TRIM67: variants seen among roughly 807,000 people sequenced by gnomAD.
TRIM67 encodes tripartite motif containing 67, also known as tripartite motif-containing protein 67.
TRIM67 carries 39 observed loss-of-function variants against 71.0 expected under a neutral mutation model. That is an observed-to-expected ratio of 0.55 (90% CI 0.43 to 0.72). The LOEUF (loss-of-function observed/expected upper bound fraction) is 0.72. TRIM67 is among the 30% of genes least tolerant of loss of function. The pLI, the probability that TRIM67 is intolerant of heterozygous loss-of-function variation, is 0.00. For missense variants in TRIM67, 973 were observed against 1,079.2 expected (o/e 0.90, Z 1.38); for synonymous variants, 481 against 473.9 (o/e 1.01, Z -0.19).
chr1:231,189,197 G>C (rs1683168068), intron 1 of TRIM67, among the ~76,000 whole-genome samples: 1 of 152,178 alleles, frequency 6.6e-6, no homozygotes, highest in African/African-American at 2.4e-5. Context: ...AGCAGACATT[G>C]AACAGTTCTG....
chr1:231,190,647 C>A (rs868265487), intron 1 of TRIM67, among the ~76,000 whole-genome samples: 5 of 152,166 alleles, frequency 3.3e-5, no homozygotes, highest in Non-Finnish European at 7.4e-5. Context: ...TACCCAGGGG[C>A]GTCCCTCTCC....
intron 6 of TRIM67, among the ~76,000 whole-genome samples, chr1:231,205,731 A>AG (rs1683676975): frequency 6.6e-6 from 1 of 151,980 alleles, no homozygotes; most frequent in Non-Finnish European, 1.5e-5. Context: ...GTCTCAAAAA[A>AG]AAAAAAAAAA....
chr1:231,180,323 A>G (rs1479751356), intron 1 of TRIM67, among the ~76,000 whole-genome samples: 1 of 152,174 alleles, frequency 6.6e-6, no homozygotes, highest in South Asian at 2.1e-4. Flanking sequence ...TTGTATATAC[A>G]TCTTTGCATG....
chr1:231,168,034 T>C (rs1447342731), intron 1 of TRIM67, among the ~76,000 whole-genome samples: 2 of 152,060 alleles, frequency 1.3e-5, no homozygotes, highest in African/African-American at 2.4e-5. Context: ...CCATCACAGC[T>C]CACTGTAGGC....
At chr1:231,211,029 A>T (rs368188893) in intron 8 of TRIM67, among the ~76,000 whole-genome samples, 3,117 of 121,512 alleles carry the variant, frequency 0.026, 110 homozygotes, top group African/African-American at 0.09. Flanking sequence ...CCAAAAAAAA[A>T]AAATATATAT....
chr1:231,212,746 G>A (rs781686301), intron 8 of TRIM67, among the ~76,000 whole-genome samples: 2 of 152,150 alleles, frequency 1.3e-5, no homozygotes, highest in Non-Finnish European at 2.9e-5. Context: ...GGAAGGGAAG[G>A]AGAGTCTGCA....
chr1:231,185,289 C>A (rs543471679), intron 1 of TRIM67: 2 of 1,391,064 alleles, frequency 1.4e-6, no homozygotes, highest in South Asian at 1.3e-5. Flanking sequence ...CTCCCACCCT[C>A]CTACACTGGA....
Position 231,201,394 on chromosome 1 carries a change from C to G in TRIM67, c.1411C>G (p.Gln471Glu), listed in dbSNP as rs1683516154. 2 of 1,613,546 alleles carry G rather than the reference C, an allele frequency of 1.2e-6. No homozygotes were observed. The highest frequency in any genetic ancestry group is 1.1e-5 in the South Asian group (1 of 90,940). ...TCTGATCAAGCGCGTCCAGGTGTCT[C>G]AGGAGCAGTGGGTCAAAGGCGCCCT... ...DALIKRVQVS[Q>E]EQWVKGALEP... Residue 471 changes from glutamine (Q) to glutamate (E), a missense_variant, in exon 5 of 10, where the codon CAG (glutamine) becomes GAG (glutamate). By Grantham distance (29) the Gln-to-Glu change is conservative. Transcript: ENST00000366653.
intron 1 of TRIM67, chr1:231,185,302 G>T: frequency 7.8e-7 from 1 of 1,277,712 alleles, no homozygotes; most frequent in Non-Finnish European, 1.1e-6. Context: ...ACACTGGAGG[G>T]ATCTGAGAAA....
chr1:231,218,522 C>G lies in TRIM67; in HGVS notation c.*3082C>G. The G allele has an allele frequency of 2.0e-6, 2 of 985,456 alleles. No individual in the cohort carries two copies. The highest frequency in any genetic ancestry group is 2.4e-6 in the Non-Finnish European group (2 of 829,948). 61.0% of individuals were successfully genotyped at this position (985,456 alleles called of 1,614,324 possible). On this transcript the variant is annotated 3_prime_UTR_variant, in exon 10 of 10. Transcript: ENST00000366653. ...CTTCCGAAAATATCCACTAGCACCT[C>G]ACTGCATACATAGCATCCCAGCTCC...
In TRIM67 at chr1:231,209,377, T is replaced by A; in HGVS notation, c.2123+127T>A. 3 of 1,096,804 alleles carry A rather than the reference T, an allele frequency of 2.7e-6. No individual in the cohort carries two copies. The East Asian group carries it at 8.1e-5, about 30-fold the overall frequency. The allele number at this position is 1,096,804 out of a possible 1,614,324, so 67.9% of individuals were successfully genotyped here. A position where few individuals can be genotyped will look rare whatever the true frequency, so the allele number is the denominator to read the frequency against. On this transcript the variant is annotated intron_variant, in intron 8 of 9. Transcript: ENST00000366653. The surrounding 1 kb of genome is among the most constrained non-coding windows in gnomAD (Gnocchi z 4.1). ...TTGAGAGGAGGTATTTTCAGCCACT[T>A]TGGTCTCCATTTTCTAGGAGGCCTT...
At chr1:231,191,956 C>T (rs1313684678) in intron 1 of TRIM67, among the ~76,000 whole-genome samples, 1 of 152,220 alleles carries the variant, frequency 6.6e-6, no homozygotes, top group Non-Finnish European at 1.5e-5. Flanking sequence ...CAGAGATCTC[C>T]AGCGTGCAGT....
Position 231,216,483 on chromosome 1 carries a change from A to G in TRIM67, c.*1043A>G. On this transcript the variant is annotated 3_prime_UTR_variant, in exon 10 of 10. Coordinates refer to ENST00000366653, the MANE Select transcript of TRIM67 (RefSeq NM_001004342.5). ...CCAGATTGCTCTTCTGAGCTGAACC[A>G]CTCTCAGACTCATAAGCATTTAAAA... 1.0e-6 allele frequency: 1 copy of G among 985,428 alleles called. No individual in the cohort carries two copies. The highest frequency in any genetic ancestry group is 1.2e-6 in the Non-Finnish European group (1 of 829,942). 61.0% of individuals were successfully genotyped at this position (985,428 alleles called of 1,614,324 possible).
chr1:231,176,918 A>AAAAAAAAAAAC (rs1365612830), intron 1 of TRIM67, among the ~76,000 whole-genome samples: 2 of 151,714 alleles, frequency 1.3e-5, no homozygotes, highest in African/African-American at 4.8e-5. Flanking sequence ...AAAAAAAAAA[A>AAAAAAAAAAAC]AAAAACACCT....
intron 1 of TRIM67, among the ~76,000 whole-genome samples, chr1:231,176,906 C>CAAAAAAAAGAAAAAAAAA (rs1682763589): frequency 1.3e-5 from 1 of 74,404 alleles, no homozygotes; most frequent in Non-Finnish European, 2.5e-5. Context: ...TACAATCTGG[C>CAAAAAAAAGAAAAAAAAA]AAAAAAAAAA....
At chr1:231,199,261 C>A in intron 3 of TRIM67, 92 bp downstream of exon 3, 2 of 1,234,936 alleles carry the variant, frequency 1.6e-6, no homozygotes, top group Non-Finnish European at 2.4e-6. Flanking sequence ...GGGGAAATAA[C>A]AGCTAAGTGA....
intron 1 of TRIM67, among the ~76,000 whole-genome samples, chr1:231,168,275 A>G (rs1024063426): frequency 6.6e-6 from 1 of 152,212 alleles, no homozygotes; most frequent in Non-Finnish European, 1.5e-5. Flanking sequence ...CACCTGACCA[A>G]CGTATATCAT....
rs185865810 is a variant in TRIM67 at position 231,204,861 on chromosome 1, G to A, written c.1680+849G>A. ...TCTCAAAGAGATGTACATATGTGTCGTTTTACTTTGTGTTTGAAAAATACA... is the reference window on the plus strand; with the variant it reads ...TCTCAAAGAGATGTACATATGTGTCATTTTACTTTGTGTTTGAAAAATACA... On this transcript the variant is annotated intron_variant, in intron 6 of 9. Transcript: ENST00000366653. 2.1e-3 allele frequency among the ~76,000 whole-genome samples: 320 copies of A among 152,234 alleles called. 1 individual carries two copies. Among genetic ancestry groups the A allele is most frequent in the Middle Eastern group, 0.01 (3 of 294 alleles).
At chr1:231,199,226 T>A in intron 3 of TRIM67, 57 bp downstream of exon 3, 1 of 1,558,644 alleles carries the variant, frequency 6.4e-7, no homozygotes, top group East Asian at 2.2e-5. Context: ...GCACCCAGCG[T>A]GGGGTGGAGC....
Sources: gnomAD v4.1 joint callset for allele counts (sites outside exome capture counted in the v4.1 genomes callset) on GRCh38, gnomAD v4.1.1 for gene constraint, Gnocchi (gnomAD v3.1) non-coding constraint, MANE v1.5 for transcripts, NCBI Gene and HGNC (gene_info 2026-07-23, HGNC 2026-07-21) for gene names.